GAS7: variants seen among roughly 807,000 people sequenced by gnomAD.
GAS7 encodes growth arrest specific 7.
Under a neutral mutation model 71.1 loss-of-function variants are expected in GAS7, and 28 were observed. The observed-to-expected ratio is 0.39, with a 90% confidence interval of 0.29 to 0.54. The LOEUF is 0.54. Among genes scored for constraint, GAS7 ranks in the 20% least tolerant of loss-of-function variants. The pLI is 0.62. For synonymous variants in GAS7, 258 were observed against 245.8 expected, an observed-to-expected ratio of 1.05 and a Z score of -0.46; for missense variants, 436 against 627.8, an observed-to-expected ratio of 0.69 and a Z score of 3.27.
chr17:10,021,356 C>T (rs201699629), intron 1 of GAS7, among the ~76,000 whole-genome samples: 6 of 149,388 alleles, frequency 4.0e-5, no homozygotes, highest in South Asian at 2.2e-4. Context: ...GCTACTCTCA[C>T]GCTTTGTGAA....
At chr17:10,105,669 C>T (rs2073749791) in intron 1 of GAS7, among the ~76,000 whole-genome samples, 1 of 152,182 alleles carries the variant, frequency 6.6e-6, no homozygotes, top group African/African-American at 2.4e-5. Context: ...AGAGGCCTTC[C>T]CTAAGCTCCC....
chr17:10,001,468 C>T (rs1046118924), intron 2 of GAS7, among the ~76,000 whole-genome samples: 1 of 152,162 alleles, frequency 6.6e-6, no homozygotes, highest in Non-Finnish European at 1.5e-5. Flanking sequence ...CGTCTCACTG[C>T]CGGGAGACAC....
intron 1 of GAS7, among the ~76,000 whole-genome samples, chr17:10,179,061 G>A (rs948697163): frequency 1.3e-5 from 2 of 152,048 alleles, no homozygotes; most frequent in African/African-American, 4.8e-5. Context: ...CAGGCACGGT[G>A]GCTCATGCCT....
At chr17:10,101,582 C>T (rs1440713041) in intron 1 of GAS7, among the ~76,000 whole-genome samples, 1 of 152,222 alleles carries the variant, frequency 6.6e-6, no homozygotes, top group East Asian at 1.9e-4. Context: ...AGCCACACGC[C>T]TGTGGGCTTT....
intron 4 of GAS7, among the ~76,000 whole-genome samples, chr17:9,962,671 C>T (rs1011797896): frequency 6.6e-6 from 1 of 152,184 alleles, no homozygotes; most frequent in Non-Finnish European, 1.5e-5. Flanking sequence ...GGGACTCAGG[C>T]CATGATCCTC....
At position 9,980,297 on chromosome 17, in the gene GAS7, C is replaced by T. The variant is rs1419424751; in HGVS notation, c.385+1507G>A. On this transcript the variant is annotated intron_variant, in intron 3 of 13. Transcript: ENST00000432992. ...TCAGGTCTCAATGCTAGACAATATC[C>T]AAAGACTCCCTGCTCTGAAAGGTGA... Among the ~76,000 whole-genome samples the T allele has an allele frequency of 2.0e-5, 3 of 152,092 alleles. No individual in the cohort carries two copies. In the East Asian group the frequency reaches 5.8e-4, roughly 29 times the overall value.
Position 9,914,421 on chromosome 17 carries a change from T to G in GAS7, c.*2807A>C, listed in dbSNP as rs1387781877. On this transcript the variant is annotated 3_prime_UTR_variant, in exon 14 of 14. Coordinates refer to ENST00000432992, the MANE Select transcript of GAS7 (RefSeq NM_201433.2). ...TTTTGTATTTTTAGCAGAGACGGGG[T>G]TTCACCATGTTAGCCAGGATGGTCT... 2 of 179,698 alleles carry G rather than the reference T, an allele frequency of 1.1e-5. No individual in the cohort carries two copies. Among genetic ancestry groups the G allele is most frequent in the African/African-American group, 4.7e-5 (2 of 42,286 alleles). 11.1% of individuals were successfully genotyped at this position (179,698 alleles called of 1,614,324 possible).
chr17:10,187,563 T>A (rs1352873168), intron 1 of GAS7, among the ~76,000 whole-genome samples: 1 of 152,240 alleles, frequency 6.6e-6, no homozygotes, highest in Non-Finnish European at 1.5e-5. Flanking sequence ...TCCACAGATT[T>A]CCTCATGTGT....
chr17:10,032,692 C>T (rs557603160), intron 1 of GAS7, among the ~76,000 whole-genome samples: 16 of 152,312 alleles, frequency 1.1e-4, no homozygotes, highest in Non-Finnish European at 1.3e-4. Context: ...ACAAAAGAGA[C>T]GACAGAGGCC....
At chr17:10,159,679 A>G (rs545772504) in intron 1 of GAS7, among the ~76,000 whole-genome samples, 1 of 152,212 alleles carries the variant, frequency 6.6e-6, no homozygotes, top group South Asian at 2.1e-4. Context: ...TGACTTGGAG[A>G]GAAGGTTTCT....
intron 1 of GAS7, among the ~76,000 whole-genome samples, chr17:10,193,921 G>A (rs1037653258): frequency 3.9e-5 from 6 of 152,166 alleles, no homozygotes; most frequent in African/African-American, 1.4e-4. Flanking sequence ...AAATCTTGGA[G>A]TGGCTTGTTA....
At chr17:10,158,117 C>T (rs1463510247) in intron 1 of GAS7, among the ~76,000 whole-genome samples, 2 of 152,124 alleles carry the variant, frequency 1.3e-5, no homozygotes, top group African/African-American at 4.8e-5. Context: ...TTGATGCCAT[C>T]CTCCTGCCTC....
At chr17:10,090,038 G>A (rs1260653156) in intron 1 of GAS7, among the ~76,000 whole-genome samples, 2 of 152,016 alleles carry the variant, frequency 1.3e-5, no homozygotes, top group Admixed American at 1.3e-4. Context: ...GCATGGTGGC[G>A]AGTGCCTGTA....
rs1462827676 is a variant in GAS7 at position 9,926,190 on chromosome 17, G to A, written c.1014+451C>T. Among the ~76,000 whole-genome samples, 3 of 152,086 alleles carry A rather than the reference G, an allele frequency of 2.0e-5. No homozygotes were observed. The highest frequency in any genetic ancestry group is 2.0e-4 in the Admixed American group (3 of 15,268). On this transcript the variant is annotated intron_variant, in intron 10 of 13. Transcript: ENST00000432992. This position sits in a 1 kb window ranked among gnomAD's most constrained non-coding sequence, Gnocchi z 5.0. Reference sequence around the variant, plus strand: ...CTGGGGCACACTCTCTTCCCTCTAAGGCTGAACATCAGTTCCCTGGAGGTG... The same window carrying A: ...CTGGGGCACACTCTCTTCCCTCTAAAGCTGAACATCAGTTCCCTGGAGGTG...
At chr17:10,095,860 C>G (rs1419934526) in intron 1 of GAS7, among the ~76,000 whole-genome samples, 2 of 152,040 alleles carry the variant, frequency 1.3e-5, no homozygotes, top group Non-Finnish European at 2.9e-5. Context: ...TGTGCTCCAT[C>G]CCCTACAAAC....
intron 1 of GAS7, among the ~76,000 whole-genome samples, chr17:10,096,843 C>T (rs903568330): frequency 3.9e-5 from 6 of 152,252 alleles, no homozygotes; most frequent in Non-Finnish European, 8.8e-5. Context: ...CCACGAGTGG[C>T]GTCCAAAACA....
chr17:9,940,577 A>G (rs1341017176), intron 7 of GAS7, among the ~76,000 whole-genome samples: 1 of 152,154 alleles, frequency 6.6e-6, no homozygotes, highest in Non-Finnish European at 1.5e-5. Context: ...ACTACCAGCA[A>G]TCCCCAGTGC....
chr17:9,943,079 A>C, intron 7 of GAS7, 42 bp downstream of exon 7: 2 of 1,309,480 alleles, frequency 1.5e-6, no homozygotes, highest in Non-Finnish European at 2.2e-6. Flanking sequence ...CCCGGGGAAC[A>C]CTGGTGCCAG....
At position 9,959,764 on chromosome 17, in the gene GAS7, C is replaced by G. The variant is rs1449263533; in HGVS notation, c.472-509G>C. On this transcript the variant is annotated intron_variant, in intron 4 of 13. Transcript: ENST00000432992. This position sits in a 1 kb window ranked among gnomAD's most constrained non-coding sequence, Gnocchi z 5.0. ...CTGCTCGGTCACCTCCCTGACTCCCCGCTCCCCCAACCCCGTGAGCCAGGA... is the reference window on the plus strand; with the variant it reads ...CTGCTCGGTCACCTCCCTGACTCCCGGCTCCCCCAACCCCGTGAGCCAGGA... Among the ~76,000 whole-genome samples, 3 of 152,156 alleles carry G rather than the reference C, an allele frequency of 2.0e-5. No individual in the cohort carries two copies. Among genetic ancestry groups the G allele is most frequent in the Admixed American group, 6.5e-5 (1 of 15,270 alleles).
Sources: gnomAD v4.1 joint callset for allele counts (sites outside exome capture counted in the v4.1 genomes callset) on GRCh38, gnomAD v4.1.1 for gene constraint, Gnocchi (gnomAD v3.1) non-coding constraint, MANE v1.5 for transcripts, NCBI Gene and HGNC (gene_info 2026-07-23, HGNC 2026-07-21) for gene names.